RGS3: variants seen among roughly 807,000 people sequenced by gnomAD.
The protein encoded by RGS3 is regulator of G protein signaling 3.
Under a neutral mutation model 132.6 loss-of-function variants are expected in RGS3, and 80 were observed. The ratio of observed to expected loss-of-function variants is 0.60; its 90% confidence interval spans 0.50 to 0.73. The LOEUF (loss-of-function observed/expected upper bound fraction) is 0.73, where lower values mean the gene tolerates loss of function less well. RGS3 is among the 30% of genes least tolerant of loss of function. The probability of loss-of-function intolerance (pLI) is 0.00; values close to 1 mark genes in which losing one functional copy is unlikely to be tolerated. For missense variants in RGS3, 1,382 were observed against 1,530.8 expected (o/e 0.90, Z 1.62); for synonymous variants, 598 against 620.6 (o/e 0.96, Z 0.54).
chr9:113,595,829 A>G, intron 24 of RGS3, 64 bp downstream of exon 22: 1 of 1,557,482 alleles, frequency 6.4e-7, no homozygotes, highest in Non-Finnish European at 8.8e-7. Flanking sequence ...CTTCAGCTGC[A>G]AGGTGGCAGC....
chr9:113,484,128 C>T lies in RGS3; in HGVS notation c.526-10C>T, dbSNP rs1051607918. 1.3e-6 allele frequency: 2 copies of T among 1,569,276 alleles called. No individual in the cohort carries two copies. Among genetic ancestry groups the T allele is most frequent in the African/African-American group, 2.7e-5 (2 of 73,844 alleles). On this transcript the variant is annotated splice_polypyrimidine_tract_variant and intron_variant, in intron 5 of 24. Transcript: ENST00000350696. ...ATCCGCTAATCATGCTTCCTTTTTTCCAATTCAAGATTTCTTTGATCCCTG... is the reference window on the plus strand; with the variant it reads ...ATCCGCTAATCATGCTTCCTTTTTTTCAATTCAAGATTTCTTTGATCCCTG...
At chr9:113,492,455 G>A (rs1800061641) in intron 7 of RGS3, among the ~76,000 whole-genome samples, 1 of 152,154 alleles carries the variant, frequency 6.6e-6, no homozygotes, top group Admixed American at 6.5e-5. Context: ...TTGCTGTCTT[G>A]AACTGCTATT....
upstream of RGS3, among the ~76,000 whole-genome samples, chr9:113,458,984 C>T (rs1336093433): frequency 6.6e-6 from 1 of 152,242 alleles, no homozygotes; most frequent in Non-Finnish European, 1.5e-5. Context: ...CTCCTGACCT[C>T]AGGTGATCCA....
intron 1 of RGS3, among the ~76,000 whole-genome samples, chr9:113,445,293 G>C (rs1588121445): frequency 6.6e-6 from 1 of 151,994 alleles, no homozygotes; most frequent in East Asian, 1.9e-4. Flanking sequence ...CGCCTCCCGG[G>C]TTCAAGCGAT....
At chr9:113,494,427 TTATTAA>T (rs1354023530) in intron 7 of RGS3, among the ~76,000 whole-genome samples, 2 of 152,238 alleles carry the variant, frequency 1.3e-5, no homozygotes, top group Admixed American at 6.5e-5. Context: ...TTTTTGGACT[TTATTAA>T]TATTAACTGA....
intron 1 of RGS3, among the ~76,000 whole-genome samples, chr9:113,450,936 T>C (rs1829226838): frequency 6.6e-6 from 1 of 151,834 alleles, no homozygotes; most frequent in Non-Finnish European, 1.5e-5. Flanking sequence ...TCCCAGCACT[T>C]TGGGAGGCTG....
intron 10 of RGS3, among the ~76,000 whole-genome samples, chr9:113,502,989 A>C (rs777037922): frequency 1.3e-5 from 2 of 152,204 alleles, no homozygotes; most frequent in Non-Finnish European, 2.9e-5. Flanking sequence ...TCTGCTGTGC[A>C]TATTTATCTA....
At chr9:113,564,304 TC>T (rs1438283692) in intron 19 of RGS3, among the ~76,000 whole-genome samples, 5 of 152,188 alleles carry the variant, frequency 3.3e-5, no homozygotes, top group African/African-American at 4.8e-5. Context: ...AGTCCTCCCC[TC>T]CTCACAAGCT....
chr9:113,537,943 C>T lies in RGS3; in HGVS notation c.2037+1025C>T, dbSNP rs137914495. ...AGAATTACATCATCTTAGCTGTGAA[C>T]GTTCTCTTGTTTTACACTAGCTAGT... On this transcript the variant is annotated intron_variant, in intron 19 of 24. Transcript: ENST00000350696. The surrounding 1 kb of genome is among the most constrained non-coding windows in gnomAD (Gnocchi z 4.3). Among the ~76,000 whole-genome samples, 13 of 152,290 alleles carry T rather than the reference C, an allele frequency of 8.5e-5. No individual in the cohort carries two copies. The highest frequency in any genetic ancestry group is 7.3e-5 in the Non-Finnish European group (5 of 68,036).
exon 6 of RGS3, chr9:113,484,198 T>G: frequency 1.2e-6 from 2 of 1,613,024 alleles, no homozygotes; most frequent in Non-Finnish European, 1.7e-6. Flanking sequence ...CGTTCCAGAC[T>G]GCAGAGACCC....
chr9:113,498,921 GAAAAAAAAAAAAA>G lies in RGS3; in HGVS notation c.897+851_897+863del, dbSNP rs755573432. 6.3e-5 allele frequency among the ~76,000 whole-genome samples: 3 copies of G among 47,380 alleles called. No homozygotes were observed. In the East Asian group the frequency reaches 1.9e-3, roughly 30 times the overall value. The allele number at this position is 47,380 out of a possible 152,430, so 31.1% of individuals were successfully genotyped here. The stretch of plus-strand genomic sequence containing the variant: ...GACAGAGCAAGACTCTGTCTCAATT[GAAAAAAAAAAAAA>G]AAAAAAAAAGGACCGGGCACGGTGG... On this transcript the variant is annotated intron_variant, in intron 10 of 24. Transcript: ENST00000350696.
chr9:113,445,257 G>A (rs1829076988), intron 1 of RGS3, among the ~76,000 whole-genome samples: 1 of 151,902 alleles, frequency 6.6e-6, no homozygotes, highest in Admixed American at 6.6e-5. Context: ...GAGTGCAATG[G>A]CGTGATCTCG....
chr9:113,445,969 G>A (rs1483185803), intron 1 of RGS3, among the ~76,000 whole-genome samples: 1 of 152,152 alleles, frequency 6.6e-6, no homozygotes, highest in Admixed American at 6.5e-5. Flanking sequence ...GTGACCCACC[G>A]TGCCCAGAAT....
intron 7 of RGS3, among the ~76,000 whole-genome samples, chr9:113,495,272 G>C (rs1830644859): frequency 6.6e-6 from 1 of 152,220 alleles, no homozygotes; most frequent in African/African-American, 2.4e-5. Context: ...CTGCCCTGCT[G>C]GTGGCCAGGT....
chr9:113,569,944 C>T (rs1834212247), intron 19 of RGS3, among the ~76,000 whole-genome samples: 2 of 152,170 alleles, frequency 1.3e-5, no homozygotes, highest in South Asian at 4.1e-4. Context: ...CTATCCACCC[C>T]TCAGAGGTGT....
chr9:113,487,697 G>A (rs1462099809), intron 7 of RGS3, among the ~76,000 whole-genome samples: 6 of 152,160 alleles, frequency 3.9e-5, no homozygotes, highest in Non-Finnish European at 7.3e-5. Context: ...ACTCATTGAC[G>A]TTGCTGGAAG....
intron 19 of RGS3, among the ~76,000 whole-genome samples, chr9:113,570,624 A>G (rs1361004781): frequency 6.6e-6 from 1 of 152,054 alleles, no homozygotes; most frequent in African/African-American, 2.4e-5. Context: ...TCTTTTAGTT[A>G]CTATGACCTC....
At chr9:113,519,041 A>C (rs1414759222) in intron 16 of RGS3, among the ~76,000 whole-genome samples, 2 of 152,166 alleles carry the variant, frequency 1.3e-5, no homozygotes, top group East Asian at 3.9e-4. Flanking sequence ...AACATTGAGC[A>C]CTTATTGTGT....
intron 17 of RGS3, among the ~76,000 whole-genome samples, chr9:113,527,821 C>A (rs949560837): frequency 6.6e-6 from 1 of 152,140 alleles, no homozygotes; most frequent in Admixed American, 6.5e-5. Context: ...CTGTCTTTGA[C>A]AATTTCTTTA....
Sources: gnomAD v4.1 joint callset for allele counts (sites outside exome capture counted in the v4.1 genomes callset) on GRCh38, gnomAD v4.1.1 for gene constraint, Gnocchi (gnomAD v3.1) non-coding constraint, MANE v1.5 for transcripts, NCBI Gene and HGNC (gene_info 2026-07-23, HGNC 2026-07-21) for gene names.